The following CTNNA2 variants were observed in gnomAD, a reference collection of about 807,000 sequenced individuals.
CTNNA2 encodes the protein catenin alpha-2.
A neutral mutation model predicts 101.0 loss-of-function variants in CTNNA2; 42 were observed. That is an observed-to-expected ratio of 0.42 (90% CI 0.32 to 0.54). The LOEUF is 0.54. Among genes scored for constraint, CTNNA2 ranks in the 20% least tolerant of loss-of-function variants. CTNNA2 has a pLI of 0.14. For missense variants in CTNNA2, 871 were observed against 1,223.1 expected (o/e 0.71, Z 4.29); for synonymous variants, 450 against 456.4 (o/e 0.99, Z 0.18).
intron 1 of CTNNA2, among the ~76,000 whole-genome samples, chr2:79,587,622 T>C (rs1039957276): frequency 1.3e-5 from 2 of 152,202 alleles, no homozygotes; most frequent in African/African-American, 2.4e-5. Flanking sequence ...AACCATCATT[T>C]TCCATGCTCT....
At chr2:80,081,032 A>G (rs1358744138) in intron 7 of CTNNA2, among the ~76,000 whole-genome samples, 2 of 151,258 alleles carry the variant, frequency 1.3e-5, no homozygotes, top group African/African-American at 2.4e-5. Context: ...AACCAGTTAT[A>G]GAAATGCCGT....
At chr2:80,298,005 G>A (rs1675903708) in intron 7 of CTNNA2, among the ~76,000 whole-genome samples, 2 of 151,522 alleles carry the variant, frequency 1.3e-5, no homozygotes, top group South Asian at 4.2e-4. Context: ...ATGTGTGTGT[G>A]TGTGGTACTA....
chr2:80,394,288 G>C (rs528301701), intron 8 of CTNNA2, among the ~76,000 whole-genome samples: 2 of 152,308 alleles, frequency 1.3e-5, no homozygotes, highest in African/African-American at 4.8e-5. Flanking sequence ...TGATTTGAAT[G>C]AGAGGAACCC....
chr2:79,503,702 C>G (rs1237700097), intron 4 of CTNNA2, among the ~76,000 whole-genome samples: 1 of 152,106 alleles, frequency 6.6e-6, no homozygotes, highest in Non-Finnish European at 1.5e-5. Flanking sequence ...GAGAAGTGAA[C>G]AGCTATTTTC....
chr2:79,584,910 A>G (rs1676384487), intron 1 of CTNNA2, among the ~76,000 whole-genome samples: 1 of 152,194 alleles, frequency 6.6e-6, no homozygotes, highest in African/African-American at 2.4e-5. Flanking sequence ...CAATTTTTTA[A>G]AAGCTGGTAG....
chr2:79,294,515 A>G (rs1406605976), intron 2 of CTNNA2, among the ~76,000 whole-genome samples: 1 of 152,110 alleles, frequency 6.6e-6, no homozygotes, highest in African/African-American at 2.4e-5. Context: ...AAACATAGCA[A>G]GTATTCAAAA....
chr2:79,489,681 G>T (rs1451325189), intron 4 of CTNNA2, among the ~76,000 whole-genome samples: 1 of 152,158 alleles, frequency 6.6e-6, no homozygotes, highest in Non-Finnish European at 1.5e-5. Context: ...TTATTCTATT[G>T]CATGAATGAA....
Position 80,302,450 on chromosome 2 carries a change from A to T in CTNNA2, c.1057-90761A>T. On this transcript the variant is annotated intron_variant, in intron 7 of 18. Coordinates refer to ENST00000402739, the MANE Select transcript of CTNNA2 (RefSeq NM_001282597.3). The surrounding 1 kb of genome is among the most constrained non-coding windows in gnomAD (Gnocchi z 6.4). ...GACAAAGCACTGTCTGAGCTGCCTG[A>T]GGCTGGCTGGGAAACACTTCCAGGA... The T allele has an allele frequency of 6.2e-7, 1 of 1,614,190 alleles. No homozygotes were observed. Among genetic ancestry groups the T allele is most frequent in the Non-Finnish European group, 8.5e-7 (1 of 1,180,028 alleles).
intron 2 of CTNNA2, among the ~76,000 whole-genome samples, chr2:79,297,803 T>G (rs936453312): frequency 5.9e-5 from 9 of 152,238 alleles, no homozygotes; most frequent in Non-Finnish European, 1.3e-4. Flanking sequence ...CTAATCACTC[T>G]CTTTGATTTT....
intron 2 of CTNNA2, among the ~76,000 whole-genome samples, chr2:79,233,434 AC>A (rs1451010193): frequency 1.3e-5 from 2 of 152,278 alleles, no homozygotes; most frequent in Admixed American, 1.3e-4. Context: ...TATGCATTCA[AC>A]TTTTTAAAAT....
chr2:79,704,557 G>A (rs1305894877), intron 2 of CTNNA2, among the ~76,000 whole-genome samples: 1 of 140,322 alleles, frequency 7.1e-6, no homozygotes, highest in Non-Finnish European at 1.5e-5. Flanking sequence ...CTGTTCCCCA[G>A]GCTGGAGTGC....
At chr2:79,715,780 C>A (rs1171556821) in intron 2 of CTNNA2, among the ~76,000 whole-genome samples, 1 of 152,058 alleles carries the variant, frequency 6.6e-6, no homozygotes, top group African/African-American at 2.4e-5. Flanking sequence ...GGACCCATTG[C>A]TAACCCACTG....
chr2:79,398,460 A>G (rs772527069), intron 4 of CTNNA2, among the ~76,000 whole-genome samples: 2 of 152,118 alleles, frequency 1.3e-5, no homozygotes, highest in Admixed American at 6.6e-5. Flanking sequence ...TTTATTCAGT[A>G]GGTCTGGGTT....
At chr2:80,079,602 A>G (rs1222815937) in intron 7 of CTNNA2, among the ~76,000 whole-genome samples, 2 of 152,058 alleles carry the variant, frequency 1.3e-5, no homozygotes, top group Non-Finnish European at 2.9e-5. Context: ...TCACAAGGTC[A>G]GGAAATGGAG....
chr2:80,308,372 T>C (rs1368341650), intron 7 of CTNNA2, among the ~76,000 whole-genome samples: 1 of 152,248 alleles, frequency 6.6e-6, no homozygotes, highest in African/African-American at 2.4e-5. Context: ...AGCACCAGCC[T>C]GGACCTTGAT....
chr2:79,684,811 G>C (rs1421888875), intron 2 of CTNNA2, among the ~76,000 whole-genome samples: 1 of 152,154 alleles, frequency 6.6e-6, no homozygotes, highest in Non-Finnish European at 1.5e-5. Context: ...GTCTGTAGGA[G>C]AGATTGAAGA....
chr2:80,443,082 A>G (rs532513274), intron 9 of CTNNA2, among the ~76,000 whole-genome samples: 2 of 152,336 alleles, frequency 1.3e-5, no homozygotes, highest in East Asian at 3.9e-4. Flanking sequence ...CTGAGGTATT[A>G]ACAACCAAAC....
intron 12 of CTNNA2, among the ~76,000 whole-genome samples, chr2:80,560,069 A>AAAAAAAAAAAAAAG (rs1553387766): frequency 2.1e-5 from 3 of 141,110 alleles, no homozygotes; most frequent in Admixed American, 7.1e-5. Context: ...AAAAAAAAAA[A>AAAAAAAAAAAAAAG]AAAGAAAAAA....
chr2:79,860,546 G>GTTTT (rs56929879), intron 4 of CTNNA2, among the ~76,000 whole-genome samples: 1,415 of 107,186 alleles, frequency 0.013, 85 homozygotes, highest in African/African-American at 0.048. Context: ...AGTAAGGGAA[G>GTTTT]TTTTTTTTTT....
Sources: allele counts gnomAD v4.1 joint callset (sites outside exome capture counted in the v4.1 genomes callset), GRCh38; gene constraint gnomAD v4.1.1; non-coding constraint Gnocchi (gnomAD v3.1); transcripts MANE v1.5; gene names NCBI Gene and HGNC (gene_info 2026-07-23, HGNC 2026-07-21).